The following TSPOAP1 variants were observed in gnomAD, a reference collection of about 807,000 sequenced individuals.
The protein encoded by TSPOAP1 is peripheral-type benzodiazepine receptor-associated protein 1.
TSPOAP1 carries 87 observed loss-of-function variants against 197.0 expected under a neutral mutation model. That is an observed-to-expected ratio of 0.44 (90% CI 0.37 to 0.53). TSPOAP1 has a LOEUF of 0.53. TSPOAP1 is among the 20% of genes least tolerant of loss of function. TSPOAP1 has a pLI of 0.00. For synonymous variants in TSPOAP1, 913 were observed against 998.9 expected, an observed-to-expected ratio of 0.91 and a Z score of 1.62; for missense variants, 2,174 against 2,411.3, an observed-to-expected ratio of 0.90 and a Z score of 2.06.
In TSPOAP1 at chr17:58,310,728, C is replaced by T. The variant is rs1197128096; in HGVS notation, c.3483G>A (p.Leu1161=). 1.9e-6 allele frequency: 3 copies of T among 1,612,690 alleles called. No individual in the cohort carries two copies. In the East Asian group the frequency reaches 6.7e-5, roughly 36 times the overall value. Residue 1161 remains leucine (L), a synonymous_variant, in exon 20 of 32, where the codon CTG becomes CTA. Transcript: ENST00000343736. ...CSQEEAGAAV[L]GTSEERTAST... ...TGGCTGTCCTCTCCTCTGAGGTGCC[C>T]AGCACTGCTGCCCCAGCCTCCTCCT...
chr17:58,311,962 C>A lies in TSPOAP1; in HGVS notation c.2859G>T (p.Gly953=), dbSNP rs760658355. The part of the protein sequence containing the change: ...AQVEAQLPPQ[G]PWEPGWERLE... Reference sequence around the variant, plus strand: ...GCCTCTCCCAGCCTGGTTCCCAGGGCCCTTGGGGTGGGAGCTGAGCCTCCA... The same window carrying A: ...GCCTCTCCCAGCCTGGTTCCCAGGGACCTTGGGGTGGGAGCTGAGCCTCCA... The change falls in exon 17 of 32, where the codon GGG becomes GGT. Residue 953 remains glycine, a synonymous_variant. Coordinates refer to ENST00000343736, the MANE Select transcript of TSPOAP1 (RefSeq NM_004758.4). 6.2e-7 allele frequency: 1 copy of A among 1,604,534 alleles called. No homozygotes were observed.
intron 18 of TSPOAP1, 109 bp from the exon 19 acceptor site, chr17:58,311,322 C>T (rs12600886): frequency 0.24 from 355,978 of 1,466,740 alleles, 43,666 homozygotes; most frequent in Middle Eastern, 0.26. Context: ...GCTAGCATTA[C>T]GCCAGGTACT....
Position 58,310,816 on chromosome 17 carries a change from C to G in TSPOAP1, c.3459+20G>C, listed in dbSNP as rs746643112. The G allele has an allele frequency of 7.6e-6, 12 of 1,576,916 alleles. No homozygotes were observed. Among genetic ancestry groups the G allele is most frequent in the Non-Finnish European group, 9.5e-6 (11 of 1,158,788 alleles). The stretch of plus-strand genomic sequence containing the variant: ...CCCTCTGCCAGCCTGCACCTGCTCC[C>G]CTCTCCCCAGACAGGGTACCTGGGA... On this transcript the variant is annotated intron_variant, in intron 19 of 31. Coordinates refer to ENST00000343736, the MANE Select transcript of TSPOAP1 (RefSeq NM_004758.4).
rs766117387 is a variant in TSPOAP1 at position 58,310,104 on chromosome 17, C to T, written c.3754G>A (p.Gly1252Ser). 3.7e-6 allele frequency: 6 copies of T among 1,613,294 alleles called. No individual in the cohort carries two copies. The highest frequency in any genetic ancestry group is 3.3e-5 in the Admixed American group (2 of 60,006). Residue 1252 changes from glycine (G) to serine (S), a missense_variant, in exon 21 of 32, where the codon GGC becomes AGC. By Grantham distance (56) the Gly-to-Ser change is moderately conservative. Coordinates refer to ENST00000343736, the MANE Select transcript of TSPOAP1 (RefSeq NM_004758.4). ...VHLVNSLVDH[G>S]RNSDLSDIQE... Reference sequence around the variant, plus strand: ...ATGTCTGACAGGTCTGAGTTGCGGCCGTGGTCCACGAGGGAGTTCACCAGA... The same window carrying T: ...ATGTCTGACAGGTCTGAGTTGCGGCTGTGGTCCACGAGGGAGTTCACCAGA...
rs750973941 is a variant in TSPOAP1 at position 58,326,314 on chromosome 17, C to G, written c.549G>C (p.Leu183=). The G allele has an allele frequency of 6.2e-7, 1 of 1,614,112 alleles. No homozygotes were observed. The highest frequency in any genetic ancestry group is 8.5e-7 in the Non-Finnish European group (1 of 1,179,998). Residue 183 remains leucine, a synonymous_variant, in exon 3 of 32, where the codon CTG becomes CTC. Coordinates refer to ENST00000343736, the MANE Select transcript of TSPOAP1 (RefSeq NM_004758.4). This position sits in a 1 kb window ranked among gnomAD's most constrained non-coding sequence, Gnocchi z 4.7. ...AKRLEERARK[L]QETNLRVVSA... ...TCACCACCCTCAGGTTCGTTTCCTG[C>G]AGCTTTCGGGCCCTCTCCTCCAGGC... is the stretch of plus-strand genomic sequence containing the variant.
In TSPOAP1 at chr17:58,327,648, T is replaced by G. The variant is rs746243816; in HGVS notation, c.273A>C (p.Ala91=). ...TCTGGCAGGCGGGTCCAGAGCTGGA[T>G]GCTTGCTGGCCCAGGCTGGGCAGAC... is the stretch of plus-strand genomic sequence containing the variant. The part of the protein sequence containing the change: ...EACLPSLGQQ[A]SSSGPACQRP... The change falls in exon 1 of 32, where the codon GCA becomes GCC. Residue 91 remains alanine (A), a synonymous_variant. Transcript: ENST00000343736. The G allele has an allele frequency of 1.4e-5, 22 of 1,613,538 alleles. No individual in the cohort carries two copies. In the East Asian group the frequency reaches 4.5e-4, roughly 33 times the overall value.
intron 4 of TSPOAP1, 89 bp downstream of exon 4, chr17:58,325,445 G>C: frequency 1.3e-6 from 2 of 1,521,332 alleles, no homozygotes; most frequent in African/African-American, 1.4e-5. Flanking sequence ...TTTCATTTGC[G>C]TCTCATTAAC....
intron 26 of TSPOAP1, 136 bp downstream of exon 26, chr17:58,306,192 ACCCAGAGGTGCCTC>A: frequency 1.2e-6 from 1 of 853,160 alleles, no homozygotes; most frequent in Non-Finnish European, 1.9e-6. Context: ...CTGCTCAAAA[ACCCAGAGGTGCCTC>A]CCCAGACAGC....
chr17:58,310,200 G>T, intron 20 of TSPOAP1, 42 bp from the exon 21 acceptor site: 1 of 1,572,640 alleles, frequency 6.4e-7, no homozygotes, highest in Non-Finnish European at 8.7e-7. Context: ...AGGACAGTGA[G>T]GGGGCACAGG....
Position 58,307,720 on chromosome 17 carries a change from A to T in TSPOAP1, c.4874T>A (p.Leu1625Gln), listed in dbSNP as rs1316084773. Reference sequence around the variant, plus strand: ...CAGAGCCACAAAGATCCTGACGGGTAGGTGCTGGTAAGCCAGTGTTTCTGA... The same window carrying T: ...CAGAGCCACAAAGATCCTGACGGGTTGGTGCTGGTAAGCCAGTGTTTCTGA... The part of the protein sequence containing the change: ...SPSETLAYQH[L>Q]PVRIFVALFD... Residue 1625 changes from leucine to glutamine, a missense_variant, in exon 24 of 32, where the codon CTA becomes CAA. Coordinates refer to ENST00000343736, the MANE Select transcript of TSPOAP1 (RefSeq NM_004758.4). The T allele has an allele frequency of 6.2e-7, 1 of 1,614,054 alleles. No individual in the cohort carries two copies. Among genetic ancestry groups the T allele is most frequent in the East Asian group, 2.2e-5 (1 of 44,900 alleles).
At chr17:58,310,274 C>T (rs772585135) in intron 20 of TSPOAP1, 116 bp from the exon 21 acceptor site, 59 of 1,225,740 alleles carry the variant, frequency 4.8e-5, no homozygotes, top group Non-Finnish European at 6.5e-5. Context: ...GGAGAAAGAG[C>T]CATGTCCTAA....
intron 12 of TSPOAP1, 135 bp from the exon 13 acceptor site, chr17:58,319,429 G>T: frequency 3.1e-6 from 3 of 965,272 alleles, no homozygotes; most frequent in Non-Finnish European, 3.0e-6. Flanking sequence ...CACCAGCCTT[G>T]CCTTGGCCAC....
intron 16 of TSPOAP1, among the ~76,000 whole-genome samples, chr17:58,314,443 T>G (rs1287427864): frequency 6.6e-6 from 1 of 151,984 alleles, no homozygotes; most frequent in Non-Finnish European, 1.5e-5. Context: ...TAATGACAAG[T>G]GTTTTTATAA....
Position 58,326,229 on chromosome 17 carries a change from G to A in TSPOAP1, c.570+64C>T, listed in dbSNP as rs1971599725. 2 of 1,599,034 alleles carry A rather than the reference G, an allele frequency of 1.3e-6. No individual in the cohort carries two copies. Among genetic ancestry groups the A allele is most frequent in the Non-Finnish European group, 8.5e-7 (1 of 1,172,832 alleles). On this transcript the variant is annotated intron_variant, in intron 3 of 31. Coordinates refer to ENST00000343736, the MANE Select transcript of TSPOAP1 (RefSeq NM_004758.4). The surrounding 1 kb of genome is among the most constrained non-coding windows in gnomAD (Gnocchi z 4.7). ...CTCCCAAGCTTCAGACAGCCCTCAG[G>A]CCCAGCCCTGGCTCCCCTCTTCCTT...
intron 7 of TSPOAP1, 37 bp downstream of exon 7, chr17:58,323,261 G>A (rs1204431193): frequency 6.2e-6 from 10 of 1,611,450 alleles, no homozygotes; most frequent in South Asian, 3.3e-5. Flanking sequence ...CGGGGTGAAG[G>A]GAGGAGCTGG....
At position 58,308,543 on chromosome 17, in the gene TSPOAP1, G is replaced by T. The variant is rs146001914; in HGVS notation, c.4729C>A (p.Arg1577=). Residue 1577 remains arginine, a splice_region_variant and synonymous_variant, in exon 22 of 32, where the codon CGG becomes AGG. Coordinates refer to ENST00000343736, the MANE Select transcript of TSPOAP1 (RefSeq NM_004758.4). The part of the protein sequence containing the change: ...ATGRAKEPLS[R]ATETGEARGQ... ...CAGGGCGGGGAGTGAGCACGGACCC[G>T]GGAGAGTGGCTCCTTGGCTCTGCCC... 4 of 1,524,944 alleles carry T rather than the reference G, an allele frequency of 2.6e-6. No individual in the cohort carries two copies. The highest frequency in any genetic ancestry group is 1.3e-5 in the South Asian group (1 of 76,922). The allele number at this position is 1,524,944 out of a possible 1,614,324, so 94.5% of individuals were successfully genotyped here.
rs755826388 is a variant in TSPOAP1, at chr17:58,312,392, G to A, written c.2429C>T (p.Ala810Val). The stretch of plus-strand genomic sequence containing the variant: ...CACTTGCTCAGGAGGCGGCTCCCAG[G>A]CCAGCACCACGCTGTGGGCCAGCTG... ...LKQLAHSVVL[A>V]WEPPPEQVEL... is the part of the protein sequence containing the mutation. Residue 810 changes from alanine to valine, a missense_variant, in exon 17 of 32, where the codon GCC (alanine) becomes GTC (valine). This residue lies in a region of TSPOAP1 where 1,933 missense variants were observed against 2,139.0 expected (regional missense o/e 0.90). Transcript: ENST00000343736. 6.2e-7 allele frequency: 1 copy of A among 1,612,476 alleles called. No individual in the cohort carries two copies. Among genetic ancestry groups the A allele is most frequent in the South Asian group, 1.1e-5 (1 of 90,942 alleles).
At chr17:58,311,368 C>T (rs1235554289) in intron 18 of TSPOAP1, 155 bp from the exon 19 acceptor site, 7 of 1,275,946 alleles carry the variant, frequency 5.5e-6, no homozygotes, top group Non-Finnish European at 7.5e-6. Flanking sequence ...CTCATTTCAT[C>T]CTCCTGGCCA....
chr17:58,310,967 C>T lies in TSPOAP1; in HGVS notation c.3328G>A (p.Gly1110Arg). 6.3e-7 allele frequency: 1 copy of T among 1,589,854 alleles called. No individual in the cohort carries two copies. Among genetic ancestry groups the T allele is most frequent in the Non-Finnish European group, 8.6e-7 (1 of 1,169,078 alleles). ...APLASASPGPGDPSSPLQHPA... is the reference protein window; with the variant it reads ...APLASASPGPRDPSSPLQHPA... The stretch of plus-strand genomic sequence containing the variant: ...TGCTGGAGAGGAGAGCTGGGGTCTC[C>T]AGGCCCTGGGGAGGCTGAAGCAAGG... The change falls in exon 19 of 32, where the codon GGA becomes AGA. Residue 1110 changes from glycine to arginine, a missense_variant. Gly to Arg is a moderately radical substitution (Grantham distance 125). Transcript: ENST00000343736.
Sources: gnomAD v4.1 joint callset for allele counts (sites outside exome capture counted in the v4.1 genomes callset) on GRCh38, gnomAD v4.1.1 for gene constraint, gnomAD v4.1.1 regional missense constraint, Gnocchi (gnomAD v3.1) non-coding constraint, MANE v1.5 for transcripts, NCBI Gene and HGNC (gene_info 2026-07-23, HGNC 2026-07-21) for gene names.